VWCE: variants seen among roughly 807,000 people sequenced by gnomAD.
The protein encoded by VWCE is von Willebrand factor C and EGF domains.
Under a neutral mutation model 102.9 loss-of-function variants are expected in VWCE, and 68 were observed. That is an observed-to-expected ratio of 0.66 (90% CI 0.54 to 0.81). The LOEUF (loss-of-function observed/expected upper bound fraction) is 0.81, where lower values mean the gene tolerates loss of function less well. Among genes scored for constraint, VWCE ranks in the 30% least tolerant of loss-of-function variants. VWCE has a pLI of 0.00. For synonymous variants in VWCE, 497 were observed against 515.4 expected, an observed-to-expected ratio of 0.96 and a Z score of 0.48; for missense variants, 1,137 against 1,263.6, an observed-to-expected ratio of 0.90 and a Z score of 1.52.
In VWCE at chr11:61,258,660, G is replaced by T; in HGVS notation, c.*15C>A. The T allele has an allele frequency of 7.3e-7, 1 of 1,369,068 alleles. No individual in the cohort carries two copies. 84.8% of individuals were successfully genotyped at this position (1,369,068 alleles called of 1,614,324 possible). A position where few individuals can be genotyped will look rare whatever the true frequency, so the allele number is the denominator to read the frequency against. On this transcript the variant is annotated 3_prime_UTR_variant, in exon 20 of 20. Transcript: ENST00000335613. ...GAGGTCCTCTCTCCAGAGTCTCCCG[G>T]ACACAGTGACCTCCTTACATGGTGG...
chr11:61,271,551 C>A (rs970020666), intron 14 of VWCE, 124 bp downstream of exon 14: 5 of 845,052 alleles, frequency 5.9e-6, no homozygotes, highest in Non-Finnish European at 9.6e-6. Context: ...TGGAACTTGA[C>A]AGCACCGGAG....
chr11:61,281,474 G>GA (rs1262695234), intron 7 of VWCE, among the ~76,000 whole-genome samples: 1 of 152,084 alleles, frequency 6.6e-6, no homozygotes, highest in Non-Finnish European at 1.5e-5. Context: ...TATCATTTGG[G>GA]AAAAAAACAG....
At chr11:61,286,519 C>T (rs1855332647) in intron 4 of VWCE, 89 bp from the exon 5 acceptor site, 3 of 1,262,788 alleles carry the variant, frequency 2.4e-6, no homozygotes, top group Non-Finnish European at 2.3e-6. Context: ...AGCACCCTTG[C>T]AGGCCGGGCA....
intron 14 of VWCE, among the ~76,000 whole-genome samples, chr11:61,269,570 C>G (rs558455951): frequency 6.6e-6 from 1 of 151,964 alleles, no homozygotes; most frequent in East Asian, 1.9e-4. Flanking sequence ...CTCAGCCTCC[C>G]GAGTAGCTGG....
intron 4 of VWCE, among the ~76,000 whole-genome samples, chr11:61,288,932 G>A (rs963378172): frequency 1.3e-5 from 2 of 148,360 alleles, no homozygotes; most frequent in South Asian, 2.2e-4. Context: ...TCCGCCTCCC[G>A]GGTTCAAGCA....
Position 61,268,924 on chromosome 11 carries a change from G to C in VWCE, c.1880C>G (p.Ala627Gly), listed in dbSNP as rs776850677. Residue 627 changes from alanine (A) to glycine (G), a missense_variant and splice_region_variant, in exon 15 of 20, where the codon GCA becomes GGA. Physicochemically the swap from Ala to Gly is moderately conservative, Grantham distance 60. Transcript: ENST00000335613. ...TTGGGGCAGAGGCAGGGGATTACCTGCTGAACAGTCTGGGCAGCACTGTCC... is the reference window on the plus strand; with the variant it reads ...TTGGGGCAGAGGCAGGGGATTACCTCCTGAACAGTCTGGGCAGCACTGTCC... ...IPGQCCPDCS[A>G]GCTYTGRIFY... The C allele has an allele frequency of 6.2e-7, 1 of 1,614,052 alleles. No homozygotes were observed.
chr11:61,259,416 G>A, intron 19 of VWCE, 104 bp from the exon 20 acceptor site: 1 of 1,417,588 alleles, frequency 7.1e-7, no homozygotes, highest in Non-Finnish European at 9.3e-7. Context: ...GTCCTCAGAG[G>A]GGCCTCAGCA....
At position 61,278,496 on chromosome 11, in the gene VWCE, G is replaced by C. The variant is rs780532637; in HGVS notation, c.1325-20C>G. 6.2e-7 allele frequency: 1 copy of C among 1,612,774 alleles called. No homozygotes were observed. The highest frequency in any genetic ancestry group is 2.2e-5 in the East Asian group (1 of 44,858). On this transcript the variant is annotated intron_variant, in intron 9 of 19. Coordinates refer to ENST00000335613, the MANE Select transcript of VWCE (RefSeq NM_152718.2). ...AACAGCCTTTGAAGGACAAATAGGA[G>C]GTAGAGGCATCAGACCTCTTCAAAG... is the stretch of plus-strand genomic sequence containing the variant.
intron 13 of VWCE, 23 bp from the exon 14 acceptor site, chr11:61,271,783 A>G (rs200872676): frequency 6.2e-7 from 1 of 1,608,596 alleles, no homozygotes; most frequent in African/African-American, 1.3e-5. Context: ...AATGGCAGAG[A>G]AAAGACGGCA....
chr11:61,272,863 CACAT>C (rs980046235), intron 13 of VWCE, among the ~76,000 whole-genome samples: 25 of 151,890 alleles, frequency 1.6e-4, no homozygotes, highest in African/African-American at 5.8e-4. Flanking sequence ...AAAACACAGA[CACAT>C]ACACACACAC....
intron 19 of VWCE, among the ~76,000 whole-genome samples, chr11:61,261,178 C>T (rs1164582016): frequency 6.6e-6 from 1 of 151,660 alleles, no homozygotes; most frequent in Non-Finnish European, 1.5e-5. Context: ...CAAGATCATG[C>T]CACTGCACTC....
At chr11:61,277,812 T>C (rs897294351) in intron 10 of VWCE, among the ~76,000 whole-genome samples, 1 of 151,762 alleles carries the variant, frequency 6.6e-6, no homozygotes, top group Non-Finnish European at 1.5e-5. Context: ...ACCCTGGGCC[T>C]GGCACTCAGT....
rs1854268415 is a variant in VWCE, at chr11:61,258,917, A to G, written c.2626T>C (p.Phe876Leu). ...QPPPVTPERS[F>L]SASGAQIVSR... ...ACTATCTGGGCCCCAGAGGCTGAGAACGAGCGCTCTGGAGTCACAGGAGGT... is the reference window on the plus strand; with the variant it reads ...ACTATCTGGGCCCCAGAGGCTGAGAGCGAGCGCTCTGGAGTCACAGGAGGT... Residue 876 changes from phenylalanine (F) to leucine (L), a missense_variant, in exon 20 of 20, where the codon TTC (phenylalanine) becomes CTC (leucine). Transcript: ENST00000335613. The G allele has an allele frequency of 6.5e-7, 1 of 1,535,274 alleles. No individual in the cohort carries two copies. The highest frequency in any genetic ancestry group is 8.7e-7 in the Non-Finnish European group (1 of 1,144,982).
Position 61,273,231 on chromosome 11 carries a change from C to T in VWCE, c.1667G>A (p.Cys556Tyr). ...EEWRLGPGQC[C>Y]FTCQEPTPST... ...GGGTGTGGGCTCCTGGCAGGTGAAG[C>T]AACACTGCCCAGGGCCCAGCCGCCA... The change falls in exon 13 of 20, where the codon TGC becomes TAC. Residue 556 changes from cysteine (C) to tyrosine (Y), a missense_variant. Around this residue, in one of 5 missense-constraint regions of VWCE, gnomAD observed 212 missense variants for 235.1 expected, o/e 0.90. Coordinates refer to ENST00000335613, the MANE Select transcript of VWCE (RefSeq NM_152718.2). 1 of 1,613,556 alleles carries T rather than the reference C, an allele frequency of 6.2e-7. No homozygotes were observed. The highest frequency in any genetic ancestry group is 8.5e-7 in the Non-Finnish European group (1 of 1,179,836).
At chr11:61,290,759 T>C in intron 4 of VWCE, 40 bp downstream of exon 4, 2 of 1,578,512 alleles carry the variant, frequency 1.3e-6, no homozygotes, top group South Asian at 2.3e-5. Flanking sequence ...TAATTCCCGC[T>C]GTCCCCCTCC....
At chr11:61,269,108 T>C in intron 14 of VWCE, 90 bp from the exon 15 acceptor site, 2 of 1,249,300 alleles carry the variant, frequency 1.6e-6, no homozygotes, top group Non-Finnish European at 2.3e-6. Context: ...CGCTGCAAAC[T>C]GGCCAAGGCT....
chr11:61,268,830 G>A, intron 15 of VWCE, 92 bp downstream of exon 15: 1 of 1,326,554 alleles, frequency 7.5e-7, no homozygotes, highest in Non-Finnish European at 1.1e-6. Context: ...GGGGTTGTTA[G>A]GACGACATGA....
chr11:61,262,967 T>C (rs1163545147), intron 19 of VWCE, among the ~76,000 whole-genome samples: 1 of 152,220 alleles, frequency 6.6e-6, no homozygotes, highest in Non-Finnish European at 1.5e-5. Flanking sequence ...TAGTACTTCA[T>C]TGTGTGCATA....
intron 14 of VWCE, among the ~76,000 whole-genome samples, chr11:61,269,685 A>T (rs1854617725): frequency 6.6e-6 from 1 of 152,030 alleles, no homozygotes; most frequent in South Asian, 2.1e-4. Context: ...ACCTCAGATG[A>T]TCCACCTGCC....
Sources: allele counts gnomAD v4.1 joint callset (sites outside exome capture counted in the v4.1 genomes callset), GRCh38; gene constraint gnomAD v4.1.1; regional missense constraint gnomAD v4.1.1; transcripts MANE v1.5; gene names NCBI Gene and HGNC (gene_info 2026-07-23, HGNC 2026-07-21).